The following OGDH variants were observed in gnomAD, a reference collection of about 807,000 sequenced individuals.
OGDH encodes the protein 2-oxoglutarate dehydrogenase complex component E1.
In OGDH, 38 loss-of-function variants were observed where a neutral mutation model predicts 116.6. The observed-to-expected ratio is 0.33, with a 90% CI of 0.25 to 0.43. The LOEUF is 0.43. OGDH is among the 20% of genes least tolerant of loss of function. OGDH has a pLI of 1.00. For missense variants in OGDH, 825 were observed against 1,357.2 expected, an observed-to-expected ratio of 0.61 and a Z score of 6.16; for synonymous variants, 488 against 533.3, an observed-to-expected ratio of 0.92 and a Z score of 1.17.
rs1788641957 is a variant in OGDH at position 44,697,570 on chromosome 7, G to A, written c.2180-34G>A. On this transcript the variant is annotated intron_variant, in intron 16 of 22. Transcript: ENST00000222673. This position sits in a 1 kb window ranked among gnomAD's most constrained non-coding sequence, Gnocchi z 6.0. ...CGCTGGGCCTACTGGCTGGTGTCCT[G>A]GACATGGTTTTCTCCTTCCTTTGTC... 6.2e-7 allele frequency: 1 copy of A among 1,613,908 alleles called. No individual in the cohort carries two copies. Among genetic ancestry groups the A allele is most frequent in the African/African-American group, 1.3e-5 (1 of 74,932 alleles).
At chr7:44,612,506 C>T (rs940952187) in intron 1 of OGDH, among the ~76,000 whole-genome samples, 7 of 151,696 alleles carry the variant, frequency 4.6e-5, no homozygotes, top group African/African-American at 1.7e-4. Context: ...GCCTCAGACC[C>T]CCGAGTAGGT....
rs1789164207 is a variant in OGDH at position 44,708,027 on chromosome 7, G to GC, written c.*31dup. ...GCTGCCTAGGGTTGCTTGGGCCACT[G>GC]CCCTCTCCACACCCATGACTGCCCC... On this transcript the variant is annotated 3_prime_UTR_variant, in exon 23 of 23. Coordinates refer to ENST00000222673, the MANE Select transcript of OGDH (RefSeq NM_002541.4). 1 of 1,606,058 alleles carries GC rather than the reference G, an allele frequency of 6.2e-7. No homozygotes were observed. Among genetic ancestry groups the GC allele is most frequent in the East Asian group, 2.2e-5 (1 of 44,862 alleles).
Position 44,697,355 on chromosome 7 carries a change from G to C in OGDH, c.2052-15G>C, listed in dbSNP as rs1175681265. ...GTCAGAGCTCCTAATTATTACCTCT[G>C]TTGTCCTGTCTCAGCCACCGCCACC... On this transcript the variant is annotated splice_polypyrimidine_tract_variant and intron_variant, in intron 15 of 22. Coordinates refer to ENST00000222673, the MANE Select transcript of OGDH (RefSeq NM_002541.4). The surrounding 1 kb of genome is among the most constrained non-coding windows in gnomAD (Gnocchi z 6.0). 4.3e-6 allele frequency: 7 copies of C among 1,614,114 alleles called. No individual in the cohort carries two copies. The highest frequency in any genetic ancestry group is 5.9e-6 in the Non-Finnish European group (7 of 1,180,026).
chr7:44,635,531 G>A (rs117276855), intron 2 of OGDH, among the ~76,000 whole-genome samples: 5,780 of 152,148 alleles, frequency 0.038, 146 homozygotes, highest in Middle Eastern at 0.075. Context: ...TGGCTGAGGT[G>A]GAGTAGGGAG....
rs148864681 is a variant in OGDH, at chr7:44,697,776, G to A, written c.2352G>A (p.Glu784=). The A allele has an allele frequency of 1.9e-6, 3 of 1,613,372 alleles. No individual in the cohort carries two copies. The African/African-American group carries it at 4.0e-5, about 22-fold the overall frequency. The change falls in exon 17 of 23, where the codon GAG becomes GAA. Residue 784 remains glutamate, a synonymous_variant. Coordinates refer to ENST00000222673, the MANE Select transcript of OGDH (RefSeq NM_002541.4). The surrounding 1 kb of genome is among the most constrained non-coding windows in gnomAD (Gnocchi z 6.0). ...TGTTGCTGCTGCCCCATGGCATGGA[G>A]GGCATGGTGAGCCTCTGGCCCTTCC... The part of the protein sequence containing the change: ...GIVLLLPHGM[E]GMGPEHSSAR...
rs1173112392 is a variant in OGDH at position 44,707,562 on chromosome 7, T to C, written c.2797-20T>C. ...CCCTCTGAGTTTCCTCTTTTTGATC[T>C]GACCCCTGCTGTCTCCTAGCTGTCG... On this transcript the variant is annotated intron_variant, in intron 21 of 22. Transcript: ENST00000222673. This position sits in a 1 kb window ranked among gnomAD's most constrained non-coding sequence, Gnocchi z 5.2. The C allele has an allele frequency of 1.2e-6, 2 of 1,612,752 alleles. No homozygotes were observed. The highest frequency in any genetic ancestry group is 4.5e-5 in the East Asian group (2 of 44,880).
chr7:44,691,405 A>G (rs1293730466), intron 10 of OGDH, among the ~76,000 whole-genome samples: 2 of 151,872 alleles, frequency 1.3e-5, no homozygotes, highest in South Asian at 2.1e-4. Flanking sequence ...GGTGGTACAC[A>G]TCTGTAGTCC....
Position 44,681,910 on chromosome 7 carries a change from G to A in OGDH, c.1335+62G>A, listed in dbSNP as rs75219460. ...CAGTCTTACTTAGAATGACATCTCT[G>A]AGTCATTTAGGACGTTCACTGTTTT... On this transcript the variant is annotated intron_variant, in intron 10 of 22. Transcript: ENST00000222673. 2.0e-3 allele frequency: 3,129 copies of A among 1,575,436 alleles called. 51 individuals are homozygous for A. The African/African-American group carries it at 0.038, about 19-fold the overall frequency.
chr7:44,608,589 CAGGCTGAGCTCCTCCAGCCTCAGCAGG>C (rs1456804715), intron 1 of OGDH, among the ~76,000 whole-genome samples: 34 of 152,118 alleles, frequency 2.2e-4, no homozygotes, highest in African/African-American at 7.7e-4. Flanking sequence ...GTCTCAGCTA[CAGGCTGAGCTCCTCCAGCCTCAGCAGG>C]AGGCTGAGGC....
rs1785583782 is a variant in OGDH at position 44,634,587 on chromosome 7, TATA to T, written c.222+10025_222+10027del. ...GATTGTTTAGAAATATTCTGTCACC[TATA>T]ATGACTAAGCATTGCTATAATGGAG... On this transcript the variant is annotated intron_variant, in intron 2 of 22. Transcript: ENST00000222673. 3.9e-5 allele frequency among the ~76,000 whole-genome samples: 6 copies of T among 152,248 alleles called. No individual in the cohort carries two copies. In the South Asian group the frequency reaches 8.3e-4, roughly 21 times the overall value.
At chr7:44,614,835 T>G (rs1038705042) in intron 1 of OGDH, among the ~76,000 whole-genome samples, 2 of 94,316 alleles carry the variant, frequency 2.1e-5, no homozygotes, top group Non-Finnish European at 4.0e-5. Flanking sequence ...CTTTTGGTTC[T>G]TTTTTTTTTT....
intron 1 of OGDH, among the ~76,000 whole-genome samples, chr7:44,616,648 T>TA (rs1488733315): frequency 6.7e-6 from 1 of 148,858 alleles, no homozygotes; most frequent in East Asian, 2.0e-4. Context: ...TATGTATATA[T>TA]ACACATATAT....
At position 44,610,223 on chromosome 7, in the gene OGDH, G is replaced by A. The variant is rs528878347; in HGVS notation, c.-28+3570G>A. 1.1e-4 allele frequency among the ~76,000 whole-genome samples: 16 copies of A among 152,162 alleles called. No individual in the cohort carries two copies. The East Asian group carries it at 3.1e-3, about 29-fold the overall frequency. ...CTTTGAGAATTCCTAATGTATTCTA[G>A]ATACCACTGCTTTGTTGGATATGTA... On this transcript the variant is annotated intron_variant, in intron 1 of 22. Transcript: ENST00000222673.
chr7:44,647,606 T>TC, intron 3 of OGDH, 51 bp from the exon 4 acceptor site: 1 of 1,589,714 alleles, frequency 6.3e-7, no homozygotes, highest in Non-Finnish European at 8.6e-7. Flanking sequence ...TCTTTTTTTT[T>TC]CTTCTGTCCT....
chr7:44,638,761 G>A (rs947079153), intron 2 of OGDH, among the ~76,000 whole-genome samples: 11 of 152,226 alleles, frequency 7.2e-5, no homozygotes, highest in African/African-American at 2.2e-4. Context: ...CTTTCAGTGA[G>A]TGGGCTTCTA....
intron 10 of OGDH, among the ~76,000 whole-genome samples, chr7:44,689,403 T>C (rs1317572397): frequency 2.2e-5 from 3 of 139,150 alleles, no homozygotes; most frequent in East Asian, 4.1e-4. Context: ...TTTTTTTTTT[T>C]TTTTTTTTTT....
intron 1 of OGDH, among the ~76,000 whole-genome samples, chr7:44,618,479 G>C (rs186693797): frequency 6.6e-6 from 1 of 152,072 alleles, no homozygotes; most frequent in Non-Finnish European, 1.5e-5. Flanking sequence ...GCCTATTCTG[G>C]AATGTGATAT....
Position 44,694,584 on chromosome 7 carries a change from C to G in OGDH, c.1668+8C>G. On this transcript the variant is annotated splice_region_variant and intron_variant, in intron 12 of 22. Coordinates refer to ENST00000222673, the MANE Select transcript of OGDH (RefSeq NM_002541.4). The surrounding 1 kb of genome is among the most constrained non-coding windows in gnomAD (Gnocchi z 4.2). ...AACCAGCCTGAGTATGAGGTACGTCCCTGCGGCTCTATCCCAGTGCGCCTT... is the reference window on the plus strand; with the variant it reads ...AACCAGCCTGAGTATGAGGTACGTCGCTGCGGCTCTATCCCAGTGCGCCTT... 1 of 1,613,528 alleles carries G rather than the reference C, an allele frequency of 6.2e-7. No homozygotes were observed. Among genetic ancestry groups the G allele is most frequent in the South Asian group, 1.1e-5 (1 of 91,074 alleles).
intron 4 of OGDH, among the ~76,000 whole-genome samples, chr7:44,652,379 G>T (rs1361079402): frequency 6.6e-6 from 1 of 152,056 alleles, no homozygotes; most frequent in Non-Finnish European, 1.5e-5. Flanking sequence ...CAAAGTGCTG[G>T]GATTACATGT....
Sources: gnomAD v4.1 joint callset for allele counts (sites outside exome capture counted in the v4.1 genomes callset) on GRCh38, gnomAD v4.1.1 for gene constraint, Gnocchi (gnomAD v3.1) non-coding constraint, MANE v1.5 for transcripts, NCBI Gene and HGNC (gene_info 2026-07-23, HGNC 2026-07-21) for gene names.